FOXK2: variants seen among roughly 807,000 people sequenced by gnomAD.
The protein encoded by FOXK2 is forkhead box protein K2.
Under a neutral mutation model 53.3 loss-of-function variants are expected in FOXK2, and 24 were observed. The ratio of observed to expected loss-of-function variants is 0.45; its 90% confidence interval spans 0.33 to 0.63. The LOEUF (loss-of-function observed/expected upper bound fraction) is 0.63. FOXK2 is among the 30% of genes least tolerant of loss of function. The pLI is 0.03. For missense variants in FOXK2, 952 were observed against 910.5 expected (o/e 1.05, Z -0.59); for synonymous variants, 505 against 407.1 (o/e 1.24, Z -2.89).
At chr17:82,567,382 G>A (rs1405259835) in intron 2 of FOXK2, among the ~76,000 whole-genome samples, 1 of 152,216 alleles carries the variant, frequency 6.6e-6, no homozygotes, top group Non-Finnish European at 1.5e-5. Context: ...TCGGCACAGA[G>A]ATCAAGAATC....
intron 1 of FOXK2, among the ~76,000 whole-genome samples, chr17:82,527,913 A>C (rs1213371440): frequency 6.6e-6 from 1 of 151,822 alleles, no homozygotes; most frequent in Non-Finnish European, 1.5e-5. Flanking sequence ...CGATCTTCCC[A>C]CCTCAGTCTC....
intron 1 of FOXK2, among the ~76,000 whole-genome samples, chr17:82,547,146 A>G (rs1230686553): frequency 3.3e-5 from 5 of 151,962 alleles, no homozygotes; most frequent in Admixed American, 6.6e-5. Context: ...TATACTGTCT[A>G]TTACTACTGA....
chr17:82,566,572 A>G (rs1224399596), intron 2 of FOXK2, among the ~76,000 whole-genome samples: 8 of 152,140 alleles, frequency 5.3e-5, no homozygotes, highest in African/African-American at 1.9e-4. Context: ...GAATGTGCCC[A>G]AGTTTACGTA....
chr17:82,576,407 G>A (rs1567980102), intron 4 of FOXK2, among the ~76,000 whole-genome samples: 2 of 152,310 alleles, frequency 1.3e-5, no homozygotes, highest in South Asian at 2.1e-4. Flanking sequence ...GGAATACTAC[G>A]GTTAATGAAT....
intron 1 of FOXK2, among the ~76,000 whole-genome samples, chr17:82,548,731 G>C (rs2044649865): frequency 1.3e-5 from 2 of 152,212 alleles, no homozygotes; most frequent in African/African-American, 4.8e-5. Context: ...AGGAAGGAAA[G>C]GACCCAGGCG....
intron 1 of FOXK2, among the ~76,000 whole-genome samples, chr17:82,549,706 C>T (rs1203873777): frequency 1.3e-5 from 2 of 152,336 alleles, no homozygotes; most frequent in Admixed American, 6.5e-5. Context: ...CAGAGCTGCT[C>T]ATCACATGCG....
intron 1 of FOXK2, among the ~76,000 whole-genome samples, chr17:82,549,178 C>T (rs1455727819): frequency 1.3e-5 from 2 of 152,108 alleles, no homozygotes; most frequent in Non-Finnish European, 2.9e-5. Context: ...GTGGCCCTTG[C>T]CTGTAGCTCC....
intron 8 of FOXK2, chr17:82,596,100 AGGCCACACCTGC>A: frequency 7.7e-6 from 8 of 1,039,946 alleles, no homozygotes; most frequent in Non-Finnish European, 9.3e-6. Flanking sequence ...GAGTCGGTTG[AGGCCACACCTGC>A]GGCCACAGAC....
chr17:82,546,856 C>T (rs1347003503), intron 1 of FOXK2, among the ~76,000 whole-genome samples: 1 of 152,026 alleles, frequency 6.6e-6, no homozygotes, highest in Admixed American at 6.6e-5. Flanking sequence ...GCAGATGGAT[C>T]ACCTGAGGTC....
At chr17:82,530,036 G>A (rs1354496849) in intron 1 of FOXK2, among the ~76,000 whole-genome samples, 2 of 152,180 alleles carry the variant, frequency 1.3e-5, no homozygotes, top group Non-Finnish European at 2.9e-5. Context: ...TTGTGTTCCT[G>A]GTTCCACTGG....
chr17:82,526,874 G>A (rs7504061), intron 1 of FOXK2, among the ~76,000 whole-genome samples: 32,057 of 151,444 alleles, frequency 0.21, 3,768 homozygotes, highest in East Asian at 0.39. Context: ...GGCCTGGTCA[G>A]CTCTTTGCCG....
At chr17:82,557,332 T>C (rs1290465508) in intron 1 of FOXK2, among the ~76,000 whole-genome samples, 1 of 150,952 alleles carries the variant, frequency 6.6e-6, no homozygotes, top group Non-Finnish European at 1.5e-5. Flanking sequence ...GTGCCTGGCC[T>C]ATTTTTATTT....
intron 1 of FOXK2, among the ~76,000 whole-genome samples, chr17:82,557,663 A>G (rs1029407555): frequency 2.0e-5 from 3 of 151,570 alleles, no homozygotes; most frequent in Admixed American, 6.6e-5. Flanking sequence ...TTTTAAAAAA[A>G]CTAGAAATGG....
intron 1 of FOXK2, among the ~76,000 whole-genome samples, chr17:82,520,943 A>C (rs532634430): frequency 4.3e-4 from 65 of 152,322 alleles, no homozygotes; most frequent in Admixed American, 4.0e-3. Context: ...ACTTCTACAA[A>C]AAGACAGTTG....
chr17:82,581,948 G>A (rs3794721), intron 4 of FOXK2, among the ~76,000 whole-genome samples: 66,075 of 151,968 alleles, frequency 0.43, 15,433 homozygotes, highest in South Asian at 0.57. Context: ...AATTATTTCA[G>A]AGTTCAAATA....
At chr17:82,534,076 A>G (rs1175526777) in intron 1 of FOXK2, among the ~76,000 whole-genome samples, 6 of 146,968 alleles carry the variant, frequency 4.1e-5, no homozygotes, top group Non-Finnish European at 7.6e-5. Context: ...CACTGTCTCA[A>G]AAAAAAAAAA....
intron 1 of FOXK2, among the ~76,000 whole-genome samples, chr17:82,537,983 G>A (rs2044537438): frequency 6.6e-6 from 1 of 151,794 alleles, no homozygotes; most frequent in African/African-American, 2.4e-5. Context: ...CAGCACTTCT[G>A]GAGGCTGAGG....
At chr17:82,591,646 T>C (rs2045253889) in intron 8 of FOXK2, among the ~76,000 whole-genome samples, 2 of 152,236 alleles carry the variant, frequency 1.3e-5, no homozygotes, top group South Asian at 4.1e-4. Context: ...CGCTCCCAAG[T>C]CTCCCTGGCA....
At chr17:82,535,317 G>A (rs1384700090) in intron 1 of FOXK2, among the ~76,000 whole-genome samples, 2 of 152,198 alleles carry the variant, frequency 1.3e-5, no homozygotes, top group African/African-American at 4.8e-5. Flanking sequence ...TTTGGGTCCT[G>A]TGAGTTTATC....
Sources: allele counts gnomAD v4.1 joint callset (sites outside exome capture counted in the v4.1 genomes callset), GRCh38; gene constraint gnomAD v4.1.1; transcripts MANE v1.5; gene names NCBI Gene and HGNC (gene_info 2026-07-23, HGNC 2026-07-21).